The following ZNF423 variants were observed in gnomAD, a reference collection of about 807,000 sequenced individuals.
ZNF423 encodes the protein Ebf-associated zinc finger protein.
ZNF423 carries 12 observed loss-of-function variants against 95.8 expected under a neutral mutation model. The observed-to-expected ratio is 0.13, with a 90% CI of 0.08 to 0.20. The LOEUF is 0.20. Among genes scored for constraint, ZNF423 ranks in the 10% least tolerant of loss-of-function variants. The probability of loss-of-function intolerance (pLI) is 1.00; values close to 1 mark genes in which losing one functional copy is unlikely to be tolerated. For missense variants in ZNF423, 1,316 were observed against 1,737.1 expected, an observed-to-expected ratio of 0.76 and a Z score of 4.31; for synonymous variants, 749 against 711.9, an observed-to-expected ratio of 1.05 and a Z score of -0.83.
chr16:49,754,809 T>C (rs924823512), intron 2 of ZNF423, among the ~76,000 whole-genome samples: 11 of 152,162 alleles, frequency 7.2e-5, no homozygotes, highest in African/African-American at 2.2e-4. Flanking sequence ...AGAAAAAACT[T>C]TTTTTGCCAA....
At chr16:49,519,875 T>C (rs983825922) in intron 7 of ZNF423, among the ~76,000 whole-genome samples, 2 of 152,158 alleles carry the variant, frequency 1.3e-5, no homozygotes, top group African/African-American at 4.8e-5. Context: ...TCAGCTGCAC[T>C]CTGCCTTCTG....
chr16:49,556,411 C>T (rs942690017), intron 5 of ZNF423, among the ~76,000 whole-genome samples: 1 of 152,306 alleles, frequency 6.6e-6, no homozygotes, highest in African/African-American at 2.4e-5. Context: ...CCCAGCGTCT[C>T]TCACATTGAT....
chr16:49,841,076 C>G (rs1249116113), intron 1 of ZNF423, among the ~76,000 whole-genome samples: 1 of 152,220 alleles, frequency 6.6e-6, no homozygotes, highest in Non-Finnish European at 1.5e-5. Flanking sequence ...GAGATTTCCT[C>G]CTCACCTCTC....
intron 2 of ZNF423, among the ~76,000 whole-genome samples, chr16:49,753,908 G>C (rs1413887079): frequency 6.6e-6 from 1 of 152,052 alleles, no homozygotes; most frequent in Admixed American, 6.6e-5. Flanking sequence ...GCGGGCGCCT[G>C]TAATCCCAGC....
chr16:49,661,631 C>A (rs576162223), intron 3 of ZNF423, among the ~76,000 whole-genome samples: 5 of 152,234 alleles, frequency 3.3e-5, no homozygotes, highest in African/African-American at 4.8e-5. Flanking sequence ...AAACACCTCG[C>A]ATCCACTCAC....
chr16:49,739,218 C>A (rs994068543), intron 2 of ZNF423, among the ~76,000 whole-genome samples: 5 of 152,150 alleles, frequency 3.3e-5, no homozygotes, highest in Non-Finnish European at 5.9e-5. Context: ...ATGCTTGGCT[C>A]ATAGTACAGC....
chr16:49,577,473 C>T (rs978842692), intron 5 of ZNF423, among the ~76,000 whole-genome samples: 8 of 152,036 alleles, frequency 5.3e-5, no homozygotes, highest in African/African-American at 1.9e-4. Flanking sequence ...CCATGTCCAG[C>T]AAGGCCCAGC....
intron 5 of ZNF423, among the ~76,000 whole-genome samples, chr16:49,619,557 C>T (rs1332914759): frequency 6.6e-6 from 1 of 151,276 alleles, no homozygotes; most frequent in African/African-American, 2.4e-5. Flanking sequence ...GGGGAAGTGA[C>T]TATGCCCTAG....
intron 3 of ZNF423, among the ~76,000 whole-genome samples, chr16:49,654,780 A>G (rs1203720779): frequency 1.3e-5 from 2 of 152,214 alleles, no homozygotes; most frequent in African/African-American, 4.8e-5. Context: ...AGATTAGGCC[A>G]GGGAGAAAGG....
chr16:49,582,753 T>C (rs1017131799), intron 5 of ZNF423, among the ~76,000 whole-genome samples: 2 of 152,136 alleles, frequency 1.3e-5, no homozygotes, highest in Admixed American at 1.3e-4. Flanking sequence ...TCCACAAATA[T>C]GCATTACTTT....
At chr16:49,650,203 C>CT (rs1272224799) in intron 3 of ZNF423, among the ~76,000 whole-genome samples, 1 of 152,168 alleles carries the variant, frequency 6.6e-6, no homozygotes, top group Non-Finnish European at 1.5e-5. Context: ...GCTTAGGCTG[C>CT]TAAGCTTGAA....
chr16:49,729,006 C>T (rs1459977155), intron 3 of ZNF423, among the ~76,000 whole-genome samples: 4 of 152,166 alleles, frequency 2.6e-5, no homozygotes, highest in Non-Finnish European at 4.4e-5. Context: ...GCTGGGATTA[C>T]AGGCATGAGC....
intron 5 of ZNF423, among the ~76,000 whole-genome samples, chr16:49,617,024 T>G (rs1392781016): frequency 2.0e-5 from 3 of 152,234 alleles, no homozygotes; most frequent in Non-Finnish European, 4.4e-5. Context: ...TTGCACTGTT[T>G]GTGCTGCCCC....
At chr16:49,690,450 G>A (rs971330136) in intron 3 of ZNF423, among the ~76,000 whole-genome samples, 1 of 152,220 alleles carries the variant, frequency 6.6e-6, no homozygotes, top group South Asian at 2.1e-4. Context: ...TCATGCTCAG[G>A]ATTTGAGGCT....
chr16:49,510,210 C>T (rs1967827964), intron 7 of ZNF423, among the ~76,000 whole-genome samples: 2 of 152,220 alleles, frequency 1.3e-5, no homozygotes, highest in African/African-American at 2.4e-5. Flanking sequence ...CGATGATCTA[C>T]AAGCATGATG....
At chr16:49,525,269 A>G in intron 6 of ZNF423, 94 bp downstream of exon 6, 1 of 1,550,640 alleles carries the variant, frequency 6.4e-7, no homozygotes, top group Non-Finnish European at 8.8e-7. Flanking sequence ...CCTGCCAAGG[A>G]AAGAGGAAGA....
At chr16:49,784,264 G>A (rs577336531) in intron 2 of ZNF423, among the ~76,000 whole-genome samples, 9 of 152,044 alleles carry the variant, frequency 5.9e-5, no homozygotes, top group African/African-American at 9.6e-5. Context: ...TGCCAGGTGC[G>A]GTGACACACA....
chr16:49,769,354 CAA>C (rs766407384), intron 2 of ZNF423, among the ~76,000 whole-genome samples: 2 of 90,586 alleles, frequency 2.2e-5, no homozygotes, highest in African/African-American at 4.5e-5. Flanking sequence ...GACTCTGTCT[CAA>C]AAAAAAAAAG....
intron 3 of ZNF423, among the ~76,000 whole-genome samples, chr16:49,723,702 A>G (rs912041862): frequency 1.3e-5 from 2 of 152,096 alleles, no homozygotes; most frequent in Admixed American, 6.6e-5. Flanking sequence ...TTTTCTTTTT[A>G]TGTTTAGATT....
Sources: gnomAD v4.1 joint callset for allele counts (sites outside exome capture counted in the v4.1 genomes callset) on GRCh38, gnomAD v4.1.1 for gene constraint, MANE v1.5 for transcripts, NCBI Gene and HGNC (gene_info 2026-07-23, HGNC 2026-07-21) for gene names.